The following VEPH1 variants were observed in gnomAD, a reference collection of about 807,000 sequenced individuals.
The protein encoded by VEPH1 is ventricular zone expressed PH domain containing 1.
VEPH1 carries 80 observed loss-of-function variants against 85.2 expected under a neutral mutation model. The ratio of observed to expected loss-of-function variants is 0.94; its 90% confidence interval spans 0.78 to 1.13. The LOEUF (loss-of-function observed/expected upper bound fraction) is 1.13. Ranked by LOEUF, VEPH1 falls within the 50% of genes most tolerant of loss-of-function variation. The probability of loss-of-function intolerance (pLI) is 0.00; values close to 1 mark genes in which losing one functional copy is unlikely to be tolerated. For missense variants in VEPH1, 955 were observed against 980.5 expected, an observed-to-expected ratio of 0.97 and a Z score of 0.35; for synonymous variants, 297 against 348.0, an observed-to-expected ratio of 0.85 and a Z score of 1.63.
At chr3:157,274,279 G>T (rs540110558) in intron 12 of VEPH1, among the ~76,000 whole-genome samples, 2 of 152,290 alleles carry the variant, frequency 1.3e-5, no homozygotes, top group South Asian at 4.1e-4. Flanking sequence ...TGACATCATG[G>T]ATCAATGCAA....
At chr3:157,369,928 AG>A (rs1560002184) in intron 7 of VEPH1, among the ~76,000 whole-genome samples, 1 of 152,142 alleles carries the variant, frequency 6.6e-6, no homozygotes, top group Non-Finnish European at 1.5e-5. Flanking sequence ...TGGTGGGGGC[AG>A]GGGCCAGTGG....
rs1287887732 is a variant in VEPH1, at chr3:157,354,154, T to C, written c.1735+9210A>G. Among the ~76,000 whole-genome samples the C allele has an allele frequency of 4.6e-5, 7 of 152,186 alleles. 1 individual carries two copies. In the East Asian group the frequency reaches 5.8e-4, roughly 13 times the overall value. ...TGAGGGATGCTGACAGTGGGGGAAG[T>C]TGTGTGTGTAGTGGGGCACAGGAGG... On this transcript the variant is annotated intron_variant, in intron 9 of 13. Transcript: ENST00000362010.
chr3:157,312,245 G>C (rs980858432), intron 11 of VEPH1, among the ~76,000 whole-genome samples: 2 of 152,088 alleles, frequency 1.3e-5, no homozygotes, highest in Non-Finnish European at 2.9e-5. Flanking sequence ...ACTTATTACT[G>C]GGCTATCTAA....
At chr3:157,314,066 C>A (rs1221018116) in intron 10 of VEPH1, among the ~76,000 whole-genome samples, 1 of 151,876 alleles carries the variant, frequency 6.6e-6, no homozygotes, top group Non-Finnish European at 1.5e-5. Flanking sequence ...AGCATGGTGG[C>A]TCATGTCTGT....
At chr3:157,339,762 GA>G (rs1423647216) in intron 9 of VEPH1, among the ~76,000 whole-genome samples, 1 of 152,130 alleles carries the variant, frequency 6.6e-6, no homozygotes, top group Non-Finnish European at 1.5e-5. Flanking sequence ...TATTGAAAAA[GA>G]GAAGGGGAAT....
intron 6 of VEPH1, among the ~76,000 whole-genome samples, chr3:157,390,997 C>A (rs1020139688): frequency 3.9e-5 from 6 of 152,260 alleles, no homozygotes; most frequent in Non-Finnish European, 7.3e-5. Context: ...CCAGCCACAG[C>A]CTTGCATGGA....
chr3:157,387,254 C>A lies in VEPH1; in HGVS notation c.907-5878G>T, dbSNP rs1243467395. Among the ~76,000 whole-genome samples, 3 of 152,052 alleles carry A rather than the reference C, an allele frequency of 2.0e-5. No homozygotes were observed. The East Asian group carries it at 5.8e-4, about 29-fold the overall frequency. Reference sequence around the variant, plus strand: ...ATAAAGGTGCTCTGCTATCCTTTGTCAGAAAAACAGAACACAACTCAGAAA... The same window carrying A: ...ATAAAGGTGCTCTGCTATCCTTTGTAAGAAAAACAGAACACAACTCAGAAA... On this transcript the variant is annotated intron_variant, in intron 6 of 13. Coordinates refer to ENST00000362010, the MANE Select transcript of VEPH1 (RefSeq NM_001167912.2).
In VEPH1 at chr3:157,363,580, A is replaced by C. The variant is rs890877657; in HGVS notation, c.1519T>G (p.Ser507Ala). The C allele has an allele frequency of 1.3e-5, 21 of 1,614,124 alleles. No individual in the cohort carries two copies. The highest frequency in any genetic ancestry group is 1.8e-5 in the Non-Finnish European group (21 of 1,180,018). Residue 507 changes from serine (S) to alanine (A), a missense_variant, in exon 9 of 14, where the codon TCA becomes GCA. Physicochemically the swap from Ser to Ala is moderately conservative, Grantham distance 99. Coordinates refer to ENST00000362010, the MANE Select transcript of VEPH1 (RefSeq NM_001167912.2). Reference protein sequence around the residue: ...DTERSQLGESSVSYPNIIHID... With the variant: ...DTERSQLGESAVSYPNIIHID... ...TGTATAATATTTGGGTATGAAACTGAAGACTCCCCCAGCTGTGATCTCTCA... is the reference window on the plus strand; with the variant it reads ...TGTATAATATTTGGGTATGAAACTGCAGACTCCCCCAGCTGTGATCTCTCA...
At chr3:157,305,582 TCAGATTACTTCTTTAGAA>T (rs1389901411) in intron 11 of VEPH1, among the ~76,000 whole-genome samples, 2 of 152,242 alleles carry the variant, frequency 1.3e-5, no homozygotes, top group African/African-American at 4.8e-5. Context: ...TGTACATGTT[TCAGATTACTTCTTTAGAA>T]CAGATTCTTA....
intron 9 of VEPH1, among the ~76,000 whole-genome samples, chr3:157,335,695 CA>C (rs916354028): frequency 6.6e-6 from 1 of 151,902 alleles, no homozygotes; most frequent in African/African-American, 2.4e-5. Flanking sequence ...TCCATCTCTA[CA>C]AAAAAGAAAT....
intron 5 of VEPH1, among the ~76,000 whole-genome samples, chr3:157,421,962 C>T (rs1050981923): frequency 2.0e-5 from 3 of 152,148 alleles, no homozygotes; most frequent in South Asian, 2.1e-4. Flanking sequence ...AATGTGAGTT[C>T]ACCCTCTCCT....
At chr3:157,283,220 A>G (rs1716367395) in intron 12 of VEPH1, among the ~76,000 whole-genome samples, 1 of 152,130 alleles carries the variant, frequency 6.6e-6, no homozygotes, top group African/African-American at 2.4e-5. Context: ...AATTTTCCCT[A>G]CAGGTTGAAA....
chr3:157,361,892 CA>C (rs548893563), intron 9 of VEPH1, among the ~76,000 whole-genome samples: 164 of 152,186 alleles, frequency 1.1e-3, no homozygotes, highest in African/African-American at 3.7e-3. Flanking sequence ...GTATGATGAA[CA>C]AAATATCAAA....
At chr3:157,327,142 A>C (rs1335448224) in intron 9 of VEPH1, among the ~76,000 whole-genome samples, 1 of 152,114 alleles carries the variant, frequency 6.6e-6, no homozygotes, top group African/African-American at 2.4e-5. Flanking sequence ...CCATGTGTAG[A>C]GTGAAAAAAA....
intron 4 of VEPH1, among the ~76,000 whole-genome samples, chr3:157,441,564 T>C (rs923879882): frequency 2.0e-5 from 3 of 151,910 alleles, no homozygotes; most frequent in Non-Finnish European, 2.9e-5. Context: ...AATCCCAGCA[T>C]TTTGGGAGGC....
intron 5 of VEPH1, among the ~76,000 whole-genome samples, chr3:157,420,344 G>C (rs1026561784): frequency 3.0e-4 from 45 of 148,474 alleles, no homozygotes; most frequent in African/African-American, 9.9e-4. Flanking sequence ...AGTTGAAGGA[G>C]AAAAAAAAAA....
intron 12 of VEPH1, among the ~76,000 whole-genome samples, chr3:157,279,788 C>T (rs1359893964): frequency 1.3e-5 from 2 of 152,018 alleles, no homozygotes; most frequent in Admixed American, 1.3e-4. Context: ...GAGGCCGAGG[C>T]GGGCGGATCA....
At chr3:157,475,472 C>T (rs1026286762) in intron 2 of VEPH1, among the ~76,000 whole-genome samples, 2 of 152,110 alleles carry the variant, frequency 1.3e-5, no homozygotes, top group African/African-American at 4.8e-5. Context: ...GCTCATATTA[C>T]GCTTGAGTTT....
intron 5 of VEPH1, among the ~76,000 whole-genome samples, chr3:157,418,726 A>G (rs576279714): frequency 1.3e-5 from 2 of 152,338 alleles, no homozygotes; most frequent in Non-Finnish European, 2.9e-5. Context: ...CATAGATAGA[A>G]AGAATCAGTA....
Sources: gnomAD v4.1 joint callset for allele counts (sites outside exome capture counted in the v4.1 genomes callset) on GRCh38, gnomAD v4.1.1 for gene constraint, MANE v1.5 for transcripts, NCBI Gene and HGNC (gene_info 2026-07-23, HGNC 2026-07-21) for gene names.